The following RBFOX1 variants were observed in gnomAD, a reference collection of about 807,000 sequenced individuals.
RBFOX1 encodes the protein RNA binding fox-1 homolog 1.
RBFOX1 carries 8 observed loss-of-function variants against 57.7 expected under a neutral mutation model. That is an observed-to-expected ratio of 0.14 (90% confidence interval 0.08 to 0.25). The LOEUF (loss-of-function observed/expected upper bound fraction) is 0.25, where lower values mean the gene tolerates loss of function less well. Ranked by LOEUF, RBFOX1 falls within the 10% of genes least tolerant of loss-of-function variation. RBFOX1 has a pLI of 1.00. For missense variants in RBFOX1, 611 were observed against 548.5 expected (o/e 1.11, Z -1.14); for synonymous variants, 326 against 222.4 (o/e 1.47, Z -4.15).
chr16:5,577,919 A>C lies in RBFOX1; in HGVS notation c.259-20983A>C, dbSNP rs11863520. ...GAGGGGATGAGGCCAAGTCAAATTTAAGAAGGAAATTACAATTTGTAGAGA... is the reference window on the plus strand; with the variant it reads ...GAGGGGATGAGGCCAAGTCAAATTTCAGAAGGAAATTACAATTTGTAGAGA... On this transcript the variant is annotated intron_variant, in intron 2 of 2. Transcript: ENST00000585867. Among the ~76,000 whole-genome samples, 847 of 152,278 alleles carry C rather than the reference A, an allele frequency of 5.6e-3. 10 individuals are homozygous for C. Among genetic ancestry groups the C allele is most frequent in the African/African-American group, 0.02 (811 of 41,554 alleles).
chr16:6,318,866 T>C (rs553520733), intron 2 of RBFOX1, among the ~76,000 whole-genome samples: 1 of 152,008 alleles, frequency 6.6e-6, no homozygotes, highest in Admixed American at 6.6e-5. Flanking sequence ...ATTGGGGATG[T>C]TTATGGGTAT....
At chr16:6,516,676 A>T (rs958775861) in intron 2 of RBFOX1, among the ~76,000 whole-genome samples, 3 of 152,244 alleles carry the variant, frequency 2.0e-5, no homozygotes, top group Non-Finnish European at 4.4e-5. Flanking sequence ...AGATTTCAGT[A>T]ACATCACCAA....
At chr16:6,759,877 A>C (rs996906686) in intron 3 of RBFOX1, among the ~76,000 whole-genome samples, 1 of 152,212 alleles carries the variant, frequency 6.6e-6, no homozygotes, top group African/African-American at 2.4e-5. Context: ...CAGCGAACTG[A>C]TGAAATCAAG....
At chr16:6,267,903 A>G (rs1358545873) in intron 1 of RBFOX1, among the ~76,000 whole-genome samples, 2 of 152,158 alleles carry the variant, frequency 1.3e-5, no homozygotes, top group African/African-American at 4.8e-5. Context: ...TTTTATATTT[A>G]TCCCAAACTG....
chr16:5,445,812 T>C (rs2068223062), intron 1 of RBFOX1, among the ~76,000 whole-genome samples: 1 of 152,222 alleles, frequency 6.6e-6, no homozygotes, highest in Non-Finnish European at 1.5e-5. Context: ...ACCCATACTA[T>C]ATGCTAAATC....
chr16:7,413,005 G>A (rs2098444578), intron 4 of RBFOX1, among the ~76,000 whole-genome samples: 1 of 151,970 alleles, frequency 6.6e-6, no homozygotes, highest in African/African-American at 2.4e-5. Context: ...TCACGCCACT[G>A]CACTCCAGCC....
intron 4 of RBFOX1, among the ~76,000 whole-genome samples, chr16:7,467,313 G>T (rs1211584851): frequency 2.6e-5 from 4 of 152,112 alleles, no homozygotes; most frequent in Admixed American, 6.5e-5. Context: ...GTTGCAGGGG[G>T]TCTCATACAT....
intron 3 of RBFOX1, among the ~76,000 whole-genome samples, chr16:6,827,496 C>A (rs2092301365): frequency 2.0e-5 from 3 of 152,146 alleles, no homozygotes; most frequent in African/African-American, 7.2e-5. Context: ...CATCACACTT[C>A]AGCAGGGTGA....
chr16:7,007,723 T>A (rs1324517965), intron 3 of RBFOX1, among the ~76,000 whole-genome samples: 2 of 152,192 alleles, frequency 1.3e-5, no homozygotes, highest in Non-Finnish European at 2.9e-5. Flanking sequence ...CTATACAGGG[T>A]AAACTCCCAT....
At chr16:7,034,591 A>G (rs147073688) in intron 3 of RBFOX1, among the ~76,000 whole-genome samples, 25 of 152,172 alleles carry the variant, frequency 1.6e-4, no homozygotes, top group African/African-American at 4.8e-4. Flanking sequence ...TGAAATATCC[A>G]GAGAAGATCC....
chr16:5,438,177 C>T (rs74537913), intron 1 of RBFOX1, among the ~76,000 whole-genome samples: 20 of 152,140 alleles, frequency 1.3e-4, no homozygotes, highest in Admixed American at 1.3e-3. Flanking sequence ...AGAAACAAAG[C>T]TTGTTAGGCG....
intron 3 of RBFOX1, among the ~76,000 whole-genome samples, chr16:5,633,847 C>T (rs1449950051): frequency 4.7e-5 from 3 of 63,508 alleles, no homozygotes; most frequent in African/African-American, 1.3e-4. Flanking sequence ...AGTGAGACTC[C>T]GTCTTAAAAA....
intron 1 of RBFOX1, among the ~76,000 whole-genome samples, chr16:6,247,018 C>T (rs181166956): frequency 9.2e-5 from 14 of 152,220 alleles, no homozygotes; most frequent in Admixed American, 5.2e-4. Context: ...TGTGGTGAGT[C>T]GAGATTGCAC....
chr16:7,007,133 C>G (rs530335804), intron 3 of RBFOX1, among the ~76,000 whole-genome samples: 2 of 152,258 alleles, frequency 1.3e-5, no homozygotes, highest in South Asian at 4.2e-4. Flanking sequence ...TGGGAAGAGT[C>G]CATTTTCAAA....
At chr16:7,058,461 C>T (rs991723898) in intron 4 of RBFOX1, among the ~76,000 whole-genome samples, 1 of 152,172 alleles carries the variant, frequency 6.6e-6, no homozygotes, top group African/African-American at 2.4e-5. Flanking sequence ...GAGATAAAAT[C>T]TAGACTTTGC....
chr16:6,962,873 A>G (rs7205634), intron 3 of RBFOX1, among the ~76,000 whole-genome samples: 15 of 146,772 alleles, frequency 1.0e-4, no homozygotes, highest in African/African-American at 1.5e-4. Context: ...TCATGGAAAA[A>G]GGGAAAAAAA....
intron 1 of RBFOX1, among the ~76,000 whole-genome samples, chr16:6,075,096 C>T (rs942956835): frequency 1.3e-5 from 2 of 152,142 alleles, no homozygotes; most frequent in Admixed American, 6.5e-5. Flanking sequence ...TAAAGAATAT[C>T]CCTGCTTCTG....
chr16:6,785,546 C>G (rs1237382162), intron 3 of RBFOX1, among the ~76,000 whole-genome samples: 1 of 152,152 alleles, frequency 6.6e-6, no homozygotes, highest in Admixed American at 6.5e-5. Flanking sequence ...GTTCCTCTTA[C>G]CACTTAAATA....
intron 3 of RBFOX1, among the ~76,000 whole-genome samples, chr16:6,823,323 C>G (rs865828890): frequency 7.9e-5 from 12 of 151,670 alleles, no homozygotes; most frequent in Middle Eastern, 3.4e-3. Context: ...ATGGCATGAT[C>G]TTGACTCACT....
Sources: allele counts gnomAD v4.1 joint callset (sites outside exome capture counted in the v4.1 genomes callset), GRCh38; gene constraint gnomAD v4.1.1; transcripts MANE v1.5; gene names NCBI Gene and HGNC (gene_info 2026-07-23, HGNC 2026-07-21).